The following DYM variants were observed in gnomAD, a reference collection of about 807,000 sequenced individuals.
The protein encoded by DYM is dymeclin, also known as dyggve-Melchior-Clausen syndrome protein.
Under a neutral mutation model 93.1 loss-of-function variants are expected in DYM, and 78 were observed. That is an observed-to-expected ratio of 0.84 (90% CI 0.70 to 1.01). The LOEUF (loss-of-function observed/expected upper bound fraction) is 1.01. Ranked by LOEUF, DYM falls within the 50% of genes least tolerant of loss-of-function variation. The probability of loss-of-function intolerance (pLI) is 0.00; values close to 1 mark genes in which losing one functional copy is unlikely to be tolerated. For missense variants in DYM, 789 were observed against 845.0 expected (o/e 0.93, Z 0.82); for synonymous variants, 321 against 319.7 (o/e 1.00, Z -0.04).
chr18:49,276,637 A>G (rs2094852941), intron 10 of DYM, among the ~76,000 whole-genome samples: 1 of 152,208 alleles, frequency 6.6e-6, no homozygotes. Flanking sequence ...TAAATAAAGA[A>G]TAAAAAGAAC....
intron 2 of DYM, among the ~76,000 whole-genome samples, chr18:49,428,224 G>A (rs1283376732): frequency 6.6e-6 from 1 of 150,942 alleles, no homozygotes; most frequent in African/African-American, 2.4e-5. Flanking sequence ...TTGGGGTGCT[G>A]AGGATTTCTT....
intron 17 of DYM, among the ~76,000 whole-genome samples, chr18:49,092,429 C>T (rs760487950): frequency 1.3e-5 from 2 of 152,218 alleles, no homozygotes; most frequent in African/African-American, 2.4e-5. Context: ...ACTCCTTCTT[C>T]CAGAACTTAA....
intron 16 of DYM, among the ~76,000 whole-genome samples, chr18:49,104,326 G>T (rs2080534433): frequency 6.6e-6 from 1 of 152,140 alleles, no homozygotes; most frequent in African/African-American, 2.4e-5. Flanking sequence ...AGATGACGGG[G>T]TTTTCTAGAT....
intron 13 of DYM, among the ~76,000 whole-genome samples, chr18:49,228,810 T>C (rs2144340309): frequency 6.6e-6 from 1 of 152,164 alleles, no homozygotes; most frequent in South Asian, 2.1e-4. Context: ...AAGTTTACTG[T>C]GGATAGGAAG....
At chr18:49,241,831 C>T (rs1344002551) in intron 13 of DYM, among the ~76,000 whole-genome samples, 5 of 152,162 alleles carry the variant, frequency 3.3e-5, no homozygotes, top group Admixed American at 6.5e-5. Context: ...AAACATATTT[C>T]GAATTTTTCA....
chr18:49,138,953 A>T (rs2084149791), intron 15 of DYM, among the ~76,000 whole-genome samples: 1 of 152,176 alleles, frequency 6.6e-6, no homozygotes, highest in African/African-American at 2.4e-5. Context: ...CTAATTGTGG[A>T]ATGCATAATT....
chr18:49,065,472 C>T (rs1438007466), intron 17 of DYM, among the ~76,000 whole-genome samples: 1 of 152,164 alleles, frequency 6.6e-6, no homozygotes, highest in Non-Finnish European at 1.5e-5. Context: ...AAGCAATTCT[C>T]CTGCCTCACC....
In DYM at chr18:49,276,894, G is replaced by A. The variant is rs544378034; in HGVS notation, c.1126-4591C>T. Among the ~76,000 whole-genome samples, 4 of 152,264 alleles carry A rather than the reference G, an allele frequency of 2.6e-5. No individual in the cohort carries two copies. The East Asian group carries it at 7.7e-4, about 29-fold the overall frequency. On this transcript the variant is annotated intron_variant, in intron 10 of 17. Transcript: ENST00000675505. ...AGTTAAAGATGTTGCAATAATTTTA[G>A]TAAGAGATGAAGGCAGCTTAGACCA...
intron 13 of DYM, among the ~76,000 whole-genome samples, chr18:49,228,647 T>A (rs948795819): frequency 2.0e-5 from 3 of 152,204 alleles, no homozygotes; most frequent in African/African-American, 7.2e-5. Flanking sequence ...TATTTCAGAT[T>A]ATTTTAAATC....
chr18:49,160,763 T>G (rs1455192139), intron 15 of DYM, among the ~76,000 whole-genome samples: 3 of 152,208 alleles, frequency 2.0e-5, no homozygotes, highest in African/African-American at 7.2e-5. Context: ...CATGTTCATT[T>G]TCCCAGTTAA....
chr18:49,355,977 AT>A (rs1358314497), intron 6 of DYM, among the ~76,000 whole-genome samples: 1 of 152,194 alleles, frequency 6.6e-6, no homozygotes, highest in African/African-American at 2.4e-5. Flanking sequence ...ATTTGTTCTC[AT>A]TATAAGCCTC....
At chr18:49,231,524 CT>C (rs2093694802) in intron 13 of DYM, among the ~76,000 whole-genome samples, 1 of 152,214 alleles carries the variant, frequency 6.6e-6, no homozygotes, top group South Asian at 2.1e-4. Flanking sequence ...TGCTGAACAG[CT>C]TAAGTTCTCT....
chr18:49,292,621 AAAAACC>A lies in DYM; in HGVS notation c.764-6011_764-6006del, dbSNP rs1568189027. On this transcript the variant is annotated intron_variant, in intron 8 of 17. Transcript: ENST00000675505. Reference sequence around the variant, plus strand: ...AAAAAAAAAAAAAAAAAAAAAAAAAAAAAACCCCCACAAAAACCTGTCCACCAGAAA... The same window carrying A: ...AAAAAAAAAAAAAAAAAAAAAAAAAACCCACAAAAACCTGTCCACCAGAAA... Among the ~76,000 whole-genome samples the A allele has an allele frequency of 1.6e-4, 18 of 114,594 alleles. 2 individuals carry two copies. The highest frequency in any genetic ancestry group is 9.0e-4 in the East Asian group (4 of 4,430). 75.2% of individuals were successfully genotyped at this position (114,594 alleles called of 152,430 possible).
At chr18:49,433,964 C>T (rs184906057) in intron 1 of DYM, among the ~76,000 whole-genome samples, 34 of 152,264 alleles carry the variant, frequency 2.2e-4, no homozygotes, top group Non-Finnish European at 4.4e-4. Flanking sequence ...AATTCCAGCA[C>T]CCTGAGAGGC....
At chr18:49,193,815 A>G (rs1379451011) in intron 14 of DYM, among the ~76,000 whole-genome samples, 1 of 152,204 alleles carries the variant, frequency 6.6e-6, no homozygotes, top group Non-Finnish European at 1.5e-5. Flanking sequence ...CTCCTTCTTC[A>G]TCTTTTATAA....
At chr18:49,090,615 G>C (rs2078959523) in intron 17 of DYM, among the ~76,000 whole-genome samples, 1 of 152,206 alleles carries the variant, frequency 6.6e-6, no homozygotes, top group Admixed American at 6.5e-5. Context: ...ATGGATCAGG[G>C]AAAGTAGAGA....
intron 14 of DYM, among the ~76,000 whole-genome samples, chr18:49,164,339 A>T (rs1568526545): frequency 1.4e-5 from 2 of 144,964 alleles, no homozygotes; most frequent in African/African-American, 5.0e-5. Flanking sequence ...ACTGAAAACT[A>T]AAAAAAAAAA....
At chr18:49,171,537 T>C (rs2088724988) in intron 14 of DYM, among the ~76,000 whole-genome samples, 1 of 152,100 alleles carries the variant, frequency 6.6e-6, no homozygotes, top group South Asian at 2.1e-4. Context: ...AAAAGTTCTT[T>C]ATAAATCCTA....
At position 49,216,499 on chromosome 18, in the gene DYM, C is replaced by A. The variant is rs1442291844; in HGVS notation, c.1461-6784G>T. On this transcript the variant is annotated intron_variant, in intron 13 of 17. Transcript: ENST00000675505. The stretch of plus-strand genomic sequence containing the variant: ...CCCCGAGCAGCCTAACTGGGAGGCA[C>A]CCCCCAGTAGGGGCAGACTGACATC... Among the ~76,000 whole-genome samples, 11 of 152,212 alleles carry A rather than the reference C, an allele frequency of 7.2e-5. No individual in the cohort carries two copies. In the South Asian group the frequency reaches 2.3e-3, roughly 32 times the overall value.
Sources: allele counts gnomAD v4.1 joint callset (sites outside exome capture counted in the v4.1 genomes callset), GRCh38; gene constraint gnomAD v4.1.1; transcripts MANE v1.5; gene names NCBI Gene and HGNC (gene_info 2026-07-23, HGNC 2026-07-21).